Variants in OTOGL observed in about 807,000 individuals in gnomAD.
OTOGL encodes otogelin-like protein.
In OTOGL, 285 loss-of-function variants were observed where a neutral mutation model predicts 318.5. That is an observed-to-expected ratio of 0.89 (90% CI 0.81 to 0.99). OTOGL has a LOEUF of 0.99. Among genes scored for constraint, OTOGL ranks in the 50% least tolerant of loss-of-function variants. The pLI, the probability that OTOGL is intolerant of heterozygous loss-of-function variation, is 0.00. For missense variants in OTOGL, 2,899 were observed against 2,845.6 expected (o/e 1.02, Z -0.43); for synonymous variants, 987 against 936.5 (o/e 1.05, Z -0.99).
chr12:80,285,623 A>T (rs556724345), intron 26 of OTOGL, among the ~76,000 whole-genome samples: 40 of 151,674 alleles, frequency 2.6e-4, no homozygotes, highest in African/African-American at 9.7e-4. Flanking sequence ...TAGGTATTTT[A>T]TTTTCTTTAT....
intron 27 of OTOGL, among the ~76,000 whole-genome samples, chr12:80,302,416 T>C (rs1885821931): frequency 6.6e-6 from 1 of 152,228 alleles, no homozygotes; most frequent in Non-Finnish European, 1.5e-5. Flanking sequence ...TTTATCCATG[T>C]GGGGTCCATC....
chr12:80,236,819 T>C (rs1879900779), intron 9 of OTOGL, among the ~76,000 whole-genome samples: 1 of 148,460 alleles, frequency 6.7e-6, no homozygotes, highest in African/African-American at 2.5e-5. Context: ...TTCTTTTCTT[T>C]TTTTTTTTTG....
chr12:80,333,210 A>G, intron 38 of OTOGL, 132 bp downstream of exon 38: 1 of 712,360 alleles, frequency 1.4e-6, no homozygotes, highest in Non-Finnish European at 2.3e-6. Flanking sequence ...AAAAGATATT[A>G]AGAAATATGC....
chr12:80,257,792 C>G, intron 17 of OTOGL, 33 bp from the exon 18 acceptor site: 1 of 1,490,964 alleles, frequency 6.7e-7, no homozygotes, highest in Non-Finnish European at 9.0e-7. Context: ...CTATGAATGT[C>G]AAAGCTGATT....
chr12:80,380,793 A>C lies in OTOGL; in HGVS notation c.*2745A>C, dbSNP rs1031577159. The stretch of plus-strand genomic sequence containing the variant: ...ATGCCGTACAAACGCCTGTACAAAT[A>C]CAAAGTGGTATTTGTGAAGGTTATT... On this transcript the variant is annotated 3_prime_UTR_variant, in exon 59 of 59. Transcript: ENST00000547103. 2.6e-5 allele frequency: 4 copies of C among 152,172 alleles called. No homozygotes were observed. The highest frequency in any genetic ancestry group is 4.4e-5 in the Non-Finnish European group (3 of 67,998). 9.4% of individuals were successfully genotyped at this position (152,172 alleles called of 1,614,324 possible). A position where few individuals can be genotyped will look rare whatever the true frequency, so the allele number is the denominator to read the frequency against.
chr12:80,329,090 C>A lies in OTOGL; in HGVS notation c.4319C>A (p.Pro1440Gln). 1.3e-6 allele frequency: 2 copies of A among 1,552,868 alleles called. No homozygotes were observed. The highest frequency in any genetic ancestry group is 1.3e-5 in the South Asian group (1 of 79,448). The change falls in exon 37 of 59, where the codon CCA becomes CAA. Residue 1440 changes from proline (P) to glutamine (Q), a missense_variant. Transcript: ENST00000547103. ...VIPTEPTLMP[P>Q]AKPTVPMFTV... is the part of the protein sequence containing the mutation. ...CCCACAGAACCAACATTAATGCCAC[C>A]AGCTAAGCCAACTGTGCCCATGTTT...
At chr12:80,237,751 G>A (rs1405439622) in intron 9 of OTOGL, among the ~76,000 whole-genome samples, 1 of 152,154 alleles carries the variant, frequency 6.6e-6, no homozygotes, top group East Asian at 1.9e-4. Flanking sequence ...AGATAATAAA[G>A]TCTCTCATCT....
chr12:80,317,700 A>G (rs1387653830), intron 32 of OTOGL, among the ~76,000 whole-genome samples: 1 of 152,194 alleles, frequency 6.6e-6, no homozygotes, highest in Admixed American at 6.5e-5. Flanking sequence ...TGTCCATGCT[A>G]GAAAATTAGC....
chr12:80,125,838 A>G (rs1371147612), intron 1 of OTOGL, among the ~76,000 whole-genome samples: 2 of 152,192 alleles, frequency 1.3e-5, no homozygotes, highest in African/African-American at 4.8e-5. Flanking sequence ...AGGTGTTTAT[A>G]GTATTCTCTG....
chr12:80,335,718 T>C (rs1376119743), intron 38 of OTOGL, among the ~76,000 whole-genome samples: 5 of 152,080 alleles, frequency 3.3e-5, no homozygotes, highest in Non-Finnish European at 7.4e-5. Flanking sequence ...TTTCTTCAGA[T>C]GTTTGAATAT....
At chr12:80,136,063 C>G (rs1001831504) in intron 1 of OTOGL, among the ~76,000 whole-genome samples, 5 of 152,212 alleles carry the variant, frequency 3.3e-5, no homozygotes, top group African/African-American at 1.2e-4. Context: ...CTATAGCTGT[C>G]TATCTTTTTC....
At chr12:80,229,060 T>C (rs1447463664) in intron 7 of OTOGL, among the ~76,000 whole-genome samples, 197 bp from the exon 8 acceptor site, 1 of 152,202 alleles carries the variant, frequency 6.6e-6, no homozygotes, top group Non-Finnish European at 1.5e-5. Context: ...GATTAACTTG[T>C]ATTTTAGGAA....
At position 80,360,661 on chromosome 12, in the gene OTOGL, T is replaced by C. The variant is rs901151394; in HGVS notation, c.6267+1761T>C. Among the ~76,000 whole-genome samples the C allele has an allele frequency of 3.3e-5, 5 of 151,878 alleles. No individual in the cohort carries two copies. The East Asian group carries it at 9.8e-4, about 30-fold the overall frequency. On this transcript the variant is annotated intron_variant, in intron 52 of 58. Transcript: ENST00000547103. ...CACGCCCAGCTAATTTTTTGTGTTT[T>C]AGTAGAGACGGGGTTTCACCATGTT...
chr12:80,200,409 C>T (rs1876375938), intron 1 of OTOGL, among the ~76,000 whole-genome samples: 1 of 152,140 alleles, frequency 6.6e-6, no homozygotes, highest in African/African-American at 2.4e-5. Flanking sequence ...TGATTTTGTC[C>T]ATTGCTTTTG....
intron 24 of OTOGL, among the ~76,000 whole-genome samples, chr12:80,272,758 G>T (rs1470336007): frequency 6.6e-6 from 1 of 152,068 alleles, no homozygotes; most frequent in Non-Finnish European, 1.5e-5. Context: ...TCTGGAATAG[G>T]TTGAAGAGCC....
chr12:80,335,704 CTG>C (rs1375507916), intron 38 of OTOGL, among the ~76,000 whole-genome samples: 1 of 152,010 alleles, frequency 6.6e-6, no homozygotes, highest in Non-Finnish European at 1.5e-5. Context: ...CAGGAGAACA[CTG>C]TTTTCTTCAG....
At chr12:80,318,500 T>A (rs1216864626) in intron 32 of OTOGL, 46 bp from the exon 33 acceptor site, 2 of 1,181,104 alleles carry the variant, frequency 1.7e-6, no homozygotes, top group Admixed American at 4.2e-5. Flanking sequence ...ATTGAAATTT[T>A]AAAAATCTAT....
In OTOGL at chr12:80,336,155, C is replaced by G; in HGVS notation, c.4600+15C>G. 1 of 1,532,710 alleles carries G rather than the reference C, an allele frequency of 6.5e-7. No homozygotes were observed. Among genetic ancestry groups the G allele is most frequent in the South Asian group, 1.2e-5 (1 of 81,098 alleles). The allele number at this position is 1,532,710 out of a possible 1,614,324, so 94.9% of individuals were successfully genotyped here. ...GGAATGTCCTTGTAAGTTTGCATTTCTTAAGCGGTGATCTTTTTTTTTTTT... is the reference window on the plus strand; with the variant it reads ...GGAATGTCCTTGTAAGTTTGCATTTGTTAAGCGGTGATCTTTTTTTTTTTT... On this transcript the variant is annotated intron_variant, in intron 39 of 58. Transcript: ENST00000547103.
At chr12:80,213,551 C>T (rs540762765) in intron 4 of OTOGL, among the ~76,000 whole-genome samples, 8 of 152,222 alleles carry the variant, frequency 5.3e-5, no homozygotes, top group Middle Eastern at 3.4e-3. Context: ...GCACCTCTGA[C>T]GCCAGAATAG....
Sources: allele counts gnomAD v4.1 joint callset (sites outside exome capture counted in the v4.1 genomes callset), GRCh38; gene constraint gnomAD v4.1.1; transcripts MANE v1.5; gene names NCBI Gene and HGNC (gene_info 2026-07-23, HGNC 2026-07-21).